The following ANO10 variants were observed in gnomAD, a reference collection of about 807,000 sequenced individuals.
ANO10 encodes the protein anoctamin 10.
In ANO10, 77 loss-of-function variants were observed where a neutral mutation model predicts 74.7. The ratio of observed to expected loss-of-function variants is 1.03; its 90% CI spans 0.86 to 1.25. The LOEUF (loss-of-function observed/expected upper bound fraction) is 1.25, where lower values mean the gene tolerates loss of function less well. Among genes scored for constraint, ANO10 ranks in the 50% most tolerant of loss-of-function variants. ANO10 has a pLI of 0.00. For synonymous variants in ANO10, 279 were observed against 284.9 expected, an observed-to-expected ratio of 0.98 and a Z score of 0.21; for missense variants, 721 against 778.1, an observed-to-expected ratio of 0.93 and a Z score of 0.87.
chr3:43,619,628 T>G (rs1284941293), intron 1 of ANO10, among the ~76,000 whole-genome samples: 1 of 151,654 alleles, frequency 6.6e-6, no homozygotes, highest in Admixed American at 6.6e-5. Flanking sequence ...GGGGGGTGGA[T>G]CTATTGAGCT....
rs1230835594 is a variant in ANO10 at position 43,540,115 on chromosome 3, A to G, written c.1797+9605T>C. 2.0e-5 allele frequency among the ~76,000 whole-genome samples: 3 copies of G among 152,264 alleles called. No homozygotes were observed. The East Asian group carries it at 5.8e-4, about 29-fold the overall frequency. Reference sequence around the variant, plus strand: ...TAGCACTCCCAAGGAACAGAAGCCCATTTAGATGACACAATTGGGGCCAAT... The same window carrying G: ...TAGCACTCCCAAGGAACAGAAGCCCGTTTAGATGACACAATTGGGGCCAAT... On this transcript the variant is annotated intron_variant, in intron 11 of 12. Transcript: ENST00000292246.
At chr3:43,670,015 C>T (rs941846687) in intron 1 of ANO10, among the ~76,000 whole-genome samples, 12 of 152,120 alleles carry the variant, frequency 7.9e-5, no homozygotes, top group South Asian at 4.1e-4. Flanking sequence ...TGAGCCACCG[C>T]GCCCAGCTTT....
intron 11 of ANO10, chr3:43,485,754 TG>T: frequency 4.3e-6 from 1 of 231,252 alleles, no homozygotes; most frequent in Middle Eastern, 1.1e-3. Flanking sequence ...GTACCAGAAG[TG>T]GGACCTGTTG....
chr3:43,379,652 T>A (rs978761804), intron 12 of ANO10, among the ~76,000 whole-genome samples: 2 of 152,058 alleles, frequency 1.3e-5, no homozygotes, highest in African/African-American at 4.8e-5. Context: ...AGCGCTGTTG[T>A]GGGGGCACGG....
chr3:43,470,626 TTA>T (rs1445757676), intron 11 of ANO10, among the ~76,000 whole-genome samples: 2 of 135,868 alleles, frequency 1.5e-5, no homozygotes, highest in African/African-American at 5.3e-5. Context: ...ATTTATTTAT[TTA>T]TGTATTTATT....
At chr3:43,484,713 G>A (rs2076397523) in intron 11 of ANO10, among the ~76,000 whole-genome samples, 1 of 152,088 alleles carries the variant, frequency 6.6e-6, no homozygotes, top group Admixed American at 6.5e-5. Flanking sequence ...GGTATAACGA[G>A]GTATGTCTAA....
intron 11 of ANO10, chr3:43,485,178 G>T: frequency 1.4e-6 from 1 of 715,722 alleles, no homozygotes; most frequent in Non-Finnish European, 2.5e-6. Context: ...CTGGGTGACA[G>T]CGCCTGCGGT....
chr3:43,382,313 A>G (rs369868794), intron 12 of ANO10, among the ~76,000 whole-genome samples: 9,187 of 152,066 alleles, frequency 0.06, 633 homozygotes, highest in Admixed American at 0.15. Context: ...AGGTCAGGAG[A>G]TCGAGACCAC....
intron 11 of ANO10, among the ~76,000 whole-genome samples, chr3:43,482,489 G>A (rs958804798): frequency 2.0e-5 from 3 of 152,056 alleles, no homozygotes; most frequent in Admixed American, 1.3e-4. Flanking sequence ...CACCTGCTAT[G>A]TGAACTGTGA....
In ANO10 at chr3:43,411,879, G is replaced by A. The variant is rs187790256; in HGVS notation, c.1914+20732C>T. Among the ~76,000 whole-genome samples the A allele has an allele frequency of 5.2e-3, 792 of 152,080 alleles. 12 individuals are homozygous for A. Among genetic ancestry groups the A allele is most frequent in the Admixed American group, 0.013 (206 of 15,270 alleles). On this transcript the variant is annotated intron_variant, in intron 12 of 12. Coordinates refer to ENST00000292246, the MANE Select transcript of ANO10 (RefSeq NM_018075.5). ...TCTGAGACTGTCACTGTGTTAGGAT[G>A]TAATTAACTCACAAAGACTTAGTTT...
chr3:43,401,040 T>A (rs542674806), intron 12 of ANO10, among the ~76,000 whole-genome samples: 8 of 152,380 alleles, frequency 5.3e-5, no homozygotes, highest in Non-Finnish European at 1.0e-4. Context: ...TACATGTGTA[T>A]GTATTTCCAG....
At position 43,670,904 on chromosome 3, in the gene ANO10, G is replaced by A. The variant is rs530406823; in HGVS notation, c.-12+20613C>T. Among the ~76,000 whole-genome samples the A allele has an allele frequency of 5.3e-5, 8 of 152,262 alleles. No homozygotes were observed. The East Asian group carries it at 1.5e-3, about 29-fold the overall frequency. On this transcript the variant is annotated intron_variant, in intron 1 of 3. Transcript: ENST00000413397. ...GTGTGCCTAAGCAAAGCAAGTGTGT[G>A]GTGAGACAGCATTTATCAACCCACC...
At chr3:43,514,228 G>A (rs2077622261) in intron 11 of ANO10, among the ~76,000 whole-genome samples, 1 of 151,924 alleles carries the variant, frequency 6.6e-6, no homozygotes, top group African/African-American at 2.4e-5. Flanking sequence ...AAGACCTAAT[G>A]ATATGTTGCC....
At chr3:43,524,866 A>G (rs1321419686) in intron 11 of ANO10, among the ~76,000 whole-genome samples, 3 of 152,046 alleles carry the variant, frequency 2.0e-5, no homozygotes, top group African/African-American at 7.2e-5. Context: ...AACTCTGAAT[A>G]CTGCTTCCAG....
At position 43,488,459 on chromosome 3, in the gene ANO10, A is replaced by C. The variant is rs778916685; in HGVS notation, c.1798-55732T>G. ...AATATCCAGAATCTACAATGAACTC[A>C]AACAAATTTACAAGAAAAAAACAAA... On this transcript the variant is annotated intron_variant, in intron 11 of 12. Coordinates refer to ENST00000292246, the MANE Select transcript of ANO10 (RefSeq NM_018075.5). Among the ~76,000 whole-genome samples, 1,129 of 150,732 alleles carry C rather than the reference A, an allele frequency of 7.5e-3. 6 individuals are homozygous for C. Among genetic ancestry groups the C allele is most frequent in the Admixed American group, 0.01 (152 of 15,158 alleles).
intron 12 of ANO10, among the ~76,000 whole-genome samples, chr3:43,380,614 TAC>T (rs2091933720): frequency 6.6e-6 from 1 of 152,170 alleles, no homozygotes; most frequent in African/African-American, 2.4e-5. Flanking sequence ...GAAGGAAAGA[TAC>T]AGTCTTTTTC....
chr3:43,634,805 G>C (rs1395676280), intron 1 of ANO10, among the ~76,000 whole-genome samples: 1 of 152,164 alleles, frequency 6.6e-6, no homozygotes, highest in Non-Finnish European at 1.5e-5. Context: ...GATTAGCACA[G>C]GCAATCAGAG....
At chr3:43,667,422 ATTG>A (rs1195214390) in intron 1 of ANO10, among the ~76,000 whole-genome samples, 1 of 152,064 alleles carries the variant, frequency 6.6e-6, no homozygotes, top group Non-Finnish European at 1.5e-5. Flanking sequence ...TAGTTACACT[ATTG>A]TTTTTTAAAA....
At chr3:43,584,424 CAGAG>C (rs1171617027) in intron 4 of ANO10, among the ~76,000 whole-genome samples, 2 of 152,118 alleles carry the variant, frequency 1.3e-5, no homozygotes, top group Non-Finnish European at 2.9e-5. Flanking sequence ...CACTCATACC[CAGAG>C]AGAGAGTTAG....
Sources: allele counts gnomAD v4.1 joint callset (sites outside exome capture counted in the v4.1 genomes callset), GRCh38; gene constraint gnomAD v4.1.1; transcripts MANE v1.5; gene names NCBI Gene and HGNC (gene_info 2026-07-23, HGNC 2026-07-21).